LMNA: variants seen among roughly 807,000 people sequenced by gnomAD.
LMNA encodes the protein lamin.
A neutral mutation model predicts 70.4 loss-of-function variants in LMNA; 20 were observed. The observed-to-expected ratio is 0.28, with a 90% CI of 0.20 to 0.41. The LOEUF (loss-of-function observed/expected upper bound fraction) is 0.41, where lower values mean the gene tolerates loss of function less well. Among genes scored for constraint, LMNA ranks in the 10% least tolerant of loss-of-function variants. The pLI is 1.00. For missense variants in LMNA, 652 were observed against 917.2 expected, an observed-to-expected ratio of 0.71 and a Z score of 3.73; for synonymous variants, 339 against 372.8, an observed-to-expected ratio of 0.91 and a Z score of 1.04.
intron 3 of LMNA, among the ~76,000 whole-genome samples, chr1:156,092,901 T>G (rs1220212295): frequency 1.3e-5 from 2 of 150,288 alleles, no homozygotes; most frequent in African/African-American, 4.9e-5. Flanking sequence ...TTTTTTTTTT[T>G]TTTTTGAGAC....
chr1:156,126,055 T>C (rs1558122708), intron 1 of LMNA: 3 of 472,582 alleles, frequency 6.3e-6, no homozygotes, highest in Non-Finnish European at 1.0e-5. Flanking sequence ...ACAAATTAGA[T>C]GCCCAGGAGG....
intron 3 of LMNA, among the ~76,000 whole-genome samples, chr1:156,104,222 C>T (rs1649241235): frequency 6.6e-6 from 1 of 152,202 alleles, no homozygotes; most frequent in Non-Finnish European, 1.5e-5. Flanking sequence ...AGCTCAGCCT[C>T]CCAGCTCGGG....
At chr1:156,082,828 C>CG (rs1648313305) in intron 1 of LMNA, 1 of 146,646 alleles carries the variant, frequency 6.8e-6, no homozygotes, top group South Asian at 2.2e-4. Context: ...GAGGGGGGGC[C>CG]GGGGCCGGGG....
At position 156,136,774 on chromosome 1, in the gene LMNA, C is replaced by T; in HGVS notation, c.1381-147C>T. 1 of 742,424 alleles carries T rather than the reference C, an allele frequency of 1.3e-6. No homozygotes were observed. The highest frequency in any genetic ancestry group is 1.5e-5 in the South Asian group (1 of 67,428). The allele number at this position is 742,424 out of a possible 1,614,324, so 46.0% of individuals were successfully genotyped here. Reference sequence around the variant, plus strand: ...GTGTCCACAGATCATGGCTATTATCCCCGGGGGAAGGGCAGTGACAGGGGT... The same window carrying T: ...GTGTCCACAGATCATGGCTATTATCTCCGGGGGAAGGGCAGTGACAGGGGT... On this transcript the variant is annotated intron_variant, in intron 7 of 11. Coordinates refer to ENST00000368300, the MANE Select transcript of LMNA (RefSeq NM_170707.4). This position sits in a 1 kb window ranked among gnomAD's most constrained non-coding sequence, Gnocchi z 6.1.
At chr1:156,095,794 G>A (rs1648917115) in intron 3 of LMNA, among the ~76,000 whole-genome samples, 1 of 152,188 alleles carries the variant, frequency 6.6e-6, no homozygotes, top group South Asian at 2.1e-4. Context: ...TTCAGTCCCA[G>A]AACCTGGAGA....
intron 3 of LMNA, among the ~76,000 whole-genome samples, chr1:156,102,299 AT>A (rs1331984668): frequency 6.6e-6 from 1 of 152,066 alleles, no homozygotes; most frequent in Non-Finnish European, 1.5e-5. Flanking sequence ...CCAGGAATGG[AT>A]TCTGAGTAAG....
At chr1:156,086,169 T>C (rs1170990033) in intron 2 of LMNA, among the ~76,000 whole-genome samples, 1 of 152,258 alleles carries the variant, frequency 6.6e-6, no homozygotes, top group Non-Finnish European at 1.5e-5. Flanking sequence ...TTAGCCAGAT[T>C]GTGGTCTTCA....
chr1:156,083,779 C>A (rs1007245239), intron 2 of LMNA, among the ~76,000 whole-genome samples: 2 of 151,912 alleles, frequency 1.3e-5, no homozygotes, highest in African/African-American at 2.4e-5. Context: ...CTCCGTCCCC[C>A]CCACAAAAAA....
In LMNA at chr1:156,136,352, G is replaced by A. The variant is rs1261198898; in HGVS notation, c.1296G>A (p.Gln432=). 6.2e-7 allele frequency: 1 copy of A among 1,612,146 alleles called. No homozygotes were observed. The highest frequency in any genetic ancestry group is 8.5e-7 in the Non-Finnish European group (1 of 1,180,014). The change falls in exon 7 of 12, where the codon CAG becomes CAA. Residue 432 remains glutamine, a synonymous_variant. Transcript: ENST00000368300. The surrounding 1 kb of genome is among the most constrained non-coding windows in gnomAD (Gnocchi z 6.1). ...CTGAGAGCCGCAGCAGCTTCTCACA[G>A]CACGCACGCACTAGCGGGCGCGTGG... ...ESTESRSSFS[Q]HARTSGRVAV... is the part of the protein sequence containing the mutation.
intron 1 of LMNA, among the ~76,000 whole-genome samples, chr1:156,119,473 C>T (rs1212599732): frequency 2.0e-5 from 3 of 152,136 alleles, no homozygotes; most frequent in African/African-American, 7.2e-5. Context: ...AAGCTGGTCT[C>T]GAACTCCTAG....
intron 3 of LMNA, among the ~76,000 whole-genome samples, chr1:156,097,193 C>T (rs1004886688): frequency 2.0e-5 from 3 of 152,248 alleles, no homozygotes; most frequent in Non-Finnish European, 4.4e-5. Context: ...GAAGGGGAGG[C>T]CCGGTTTCCA....
intron 1 of LMNA, among the ~76,000 whole-genome samples, chr1:156,120,642 G>C (rs2102833057): frequency 6.6e-6 from 1 of 152,298 alleles, no homozygotes; most frequent in South Asian, 2.1e-4. Context: ...GAAGCCAGGA[G>C]TTTGAGGCTA....
In LMNA at chr1:156,139,634, G is replaced by A. The variant is rs979638090; in HGVS notation, c.*528G>A. The A allele has an allele frequency of 1.3e-5, 19 of 1,465,244 alleles. No homozygotes were observed. In the Admixed American group the frequency reaches 4.4e-4, roughly 34 times the overall value. 90.8% of individuals were successfully genotyped at this position (1,465,244 alleles called of 1,614,324 possible). On this transcript the variant is annotated 3_prime_UTR_variant, in exon 12 of 12. Transcript: ENST00000368300. Reference sequence around the variant, plus strand: ...AGCTTGAGCCGGGCCCCTGGGCTTGGCCTGCTGTGATTCCACTACACCTGG... The same window carrying A: ...AGCTTGAGCCGGGCCCCTGGGCTTGACCTGCTGTGATTCCACTACACCTGG...
At chr1:156,095,351 G>A (rs1648895900) in intron 3 of LMNA, among the ~76,000 whole-genome samples, 1 of 152,088 alleles carries the variant, frequency 6.6e-6, no homozygotes, top group African/African-American at 2.4e-5. Context: ...AAAATTTATT[G>A]AGTAAATGAT....
intron 1 of LMNA, among the ~76,000 whole-genome samples, chr1:156,122,848 C>T (rs653969): frequency 0.14 from 21,438 of 152,210 alleles, 3,244 homozygotes; most frequent in African/African-American, 0.38. Flanking sequence ...CCCCAACCTG[C>T]GGCTGGGCTG....
chr1:156,108,156 GCC>G (rs1226521893), intron 3 of LMNA, among the ~76,000 whole-genome samples: 2 of 152,104 alleles, frequency 1.3e-5, no homozygotes, highest in Admixed American at 6.5e-5. Flanking sequence ...CCTCCATATA[GCC>G]CCTAGCCTGG....
At chr1:156,127,811 C>CA (rs1650726857) in intron 1 of LMNA, among the ~76,000 whole-genome samples, 1 of 151,960 alleles carries the variant, frequency 6.6e-6, no homozygotes, top group South Asian at 2.1e-4. Context: ...CTCAGCCTCC[C>CA]AAGTTGCTGG....
chr1:156,139,893 G>C lies in LMNA; in HGVS notation c.*787G>C, dbSNP rs542967720. The C allele has an allele frequency of 1.7e-4, 236 of 1,418,168 alleles. 2 individuals are homozygous for C. The South Asian group carries it at 3.1e-3, about 18-fold the overall frequency. The allele number at this position is 1,418,168 out of a possible 1,614,324, so 87.8% of individuals were successfully genotyped here. A position where few individuals can be genotyped will look rare whatever the true frequency, so the allele number is the denominator to read the frequency against. On this transcript the variant is annotated 3_prime_UTR_variant, in exon 12 of 12. Transcript: ENST00000368300. Reference sequence around the variant, plus strand: ...TCACTGGAGGTTGAAGCCAAGTGGGGTGCTGGGAGGAGGGAGAGGGAGGTC... The same window carrying C: ...TCACTGGAGGTTGAAGCCAAGTGGGCTGCTGGGAGGAGGGAGAGGGAGGTC...
At position 156,136,336 on chromosome 1, in the gene LMNA, G is replaced by T. The variant is rs747139279; in HGVS notation, c.1280G>T (p.Arg427Leu). 1.9e-6 allele frequency: 3 copies of T among 1,612,250 alleles called. No homozygotes were observed. Among genetic ancestry groups the T allele is most frequent in the Admixed American group, 1.7e-5 (1 of 60,036 alleles). The change falls in exon 7 of 12, where the codon CGC becomes CTC. Residue 427 changes from arginine to leucine, a missense_variant. Arg to Leu is a moderately radical substitution (Grantham distance 102). Transcript: ENST00000368300. This position sits in a 1 kb window ranked among gnomAD's most constrained non-coding sequence, Gnocchi z 6.1. The part of the protein sequence containing the change: ...KKRKLESTES[R>L]SSFSQHARTS... ...CGCAAACTGGAGTCCACTGAGAGCC[G>T]CAGCAGCTTCTCACAGCACGCACGC...
Sources: allele counts gnomAD v4.1 joint callset (sites outside exome capture counted in the v4.1 genomes callset), GRCh38; gene constraint gnomAD v4.1.1; non-coding constraint Gnocchi (gnomAD v3.1); transcripts MANE v1.5; gene names NCBI Gene and HGNC (gene_info 2026-07-23, HGNC 2026-07-21).